The following ATP10A variants were observed in gnomAD, a reference collection of about 807,000 sequenced individuals.
ATP10A encodes phospholipid-transporting ATPase VA.
ATP10A carries 111 observed loss-of-function variants against 147.8 expected under a neutral mutation model. The ratio of observed to expected loss-of-function variants is 0.75; its 90% CI spans 0.64 to 0.88. The LOEUF is 0.88. ATP10A is among the 40% of genes least tolerant of loss of function. The pLI, the probability that ATP10A is intolerant of heterozygous loss-of-function variation, is 0.00. For synonymous variants in ATP10A, 875 were observed against 841.6 expected, an observed-to-expected ratio of 1.04 and a Z score of -0.69; for missense variants, 1,927 against 1,959.0, an observed-to-expected ratio of 0.98 and a Z score of 0.31.
At chr15:25,804,718 C>T (rs371615709) in intron 1 of ATP10A, among the ~76,000 whole-genome samples, 1 of 152,164 alleles carries the variant, frequency 6.6e-6, no homozygotes, top group South Asian at 2.1e-4. Context: ...AATGCGGTAA[C>T]GACAGTAGGC....
chr15:25,734,151 C>G (rs113287238), intron 3 of ATP10A, among the ~76,000 whole-genome samples: 80 of 152,268 alleles, frequency 5.3e-4, no homozygotes, highest in Non-Finnish European at 7.8e-4. Flanking sequence ...AATGCTCCTC[C>G]CGTCTCCTGC....
At chr15:25,784,475 A>C (rs946746219) in intron 1 of ATP10A, among the ~76,000 whole-genome samples, 1 of 152,234 alleles carries the variant, frequency 6.6e-6, no homozygotes, top group Admixed American at 6.5e-5. Context: ...TAGAAACTTC[A>C]GGGGAGGCAT....
At chr15:25,721,560 G>A (rs567715163) in intron 7 of ATP10A, 97 bp downstream of exon 7, 1 of 1,148,456 alleles carries the variant, frequency 8.7e-7, no homozygotes, top group South Asian at 1.4e-5. Context: ...GTGTGTGTGT[G>A]TGTGTGTGTG....
chr15:25,683,625 C>T, intron 16 of ATP10A, 139 bp from the exon 17 acceptor site: 2 of 826,992 alleles, frequency 2.4e-6, no homozygotes, highest in South Asian at 3.6e-5. Context: ...CAAAGACAGC[C>T]ATGACCTTGA....
intron 1 of ATP10A, among the ~76,000 whole-genome samples, chr15:25,839,841 A>G (rs1316562013): frequency 6.6e-6 from 1 of 152,208 alleles, no homozygotes; most frequent in African/African-American, 2.4e-5. Context: ...CCAAAACCAG[A>G]GGACAAAATC....
chr15:25,709,480 T>C (rs1430428647), intron 10 of ATP10A: 1 of 152,232 alleles, frequency 6.6e-6, no homozygotes, highest in Non-Finnish European at 1.5e-5. Flanking sequence ...AGGTGACATG[T>C]GGCGTGCACT....
intron 2 of ATP10A, among the ~76,000 whole-genome samples, chr15:25,752,631 GT>G (rs1264486618): frequency 6.6e-6 from 1 of 152,146 alleles, no homozygotes; most frequent in East Asian, 1.9e-4. Context: ...TTTCAAGATT[GT>G]TTTGGCTATA....
rs561692614 is a variant in ATP10A, at chr15:25,808,672, C to T, written c.450-27449G>A. ...GTTCTGGGATTACAAGCGTGAGCCA[C>T]AGTGCCTGGCTGAGAACAGTTTTAT... On this transcript the variant is annotated intron_variant, in intron 1 of 20. Coordinates refer to ENST00000555815, the MANE Select transcript of ATP10A (RefSeq NM_024490.4). Among the ~76,000 whole-genome samples the T allele has an allele frequency of 1.4e-3, 216 of 152,336 alleles. 1 individual carries two copies. The highest frequency in any genetic ancestry group is 6.8e-3 in the Middle Eastern group (2 of 294).
At chr15:25,856,216 A>T (rs1893510236) in intron 1 of ATP10A, among the ~76,000 whole-genome samples, 1 of 152,178 alleles carries the variant, frequency 6.6e-6, no homozygotes, top group Admixed American at 6.5e-5. Flanking sequence ...GAGGTAACTG[A>T]ATCATGGAGG....
At chr15:25,781,414 T>A (rs887184432) in intron 1 of ATP10A, among the ~76,000 whole-genome samples, 191 bp from the exon 2 acceptor site, 1 of 152,176 alleles carries the variant, frequency 6.6e-6, no homozygotes, top group African/African-American at 2.4e-5. Context: ...CCCAGCACTT[T>A]GAGAGACCGA....
At chr15:25,838,807 C>T (rs1170395331) in intron 1 of ATP10A, among the ~76,000 whole-genome samples, 1 of 152,128 alleles carries the variant, frequency 6.6e-6, no homozygotes, top group Non-Finnish European at 1.5e-5. Flanking sequence ...CTCCAGGGTA[C>T]TACTGCAATG....
chr15:25,681,579 G>A (rs1415668549), intron 17 of ATP10A, among the ~76,000 whole-genome samples: 6 of 152,166 alleles, frequency 3.9e-5, no homozygotes, highest in Admixed American at 2.0e-4. Flanking sequence ...CTACACGTAA[G>A]TTAATGCACA....
chr15:25,764,412 G>T (rs1308319670), intron 2 of ATP10A, among the ~76,000 whole-genome samples: 1 of 152,156 alleles, frequency 6.6e-6, no homozygotes, highest in African/African-American at 2.4e-5. Flanking sequence ...TAATTTGATG[G>T]TATTTGAAGG....
intron 12 of ATP10A, among the ~76,000 whole-genome samples, chr15:25,702,790 G>C (rs1021822508): frequency 6.6e-5 from 10 of 150,506 alleles, no homozygotes; most frequent in Non-Finnish European, 1.2e-4. Flanking sequence ...TTACATCTTG[G>C]TGAGATGGTT....
At chr15:25,837,044 A>G (rs1449587709) in intron 1 of ATP10A, among the ~76,000 whole-genome samples, 3 of 152,222 alleles carry the variant, frequency 2.0e-5, no homozygotes, top group Admixed American at 6.5e-5. Context: ...ACCACAGTCA[A>G]GCAAATTCAC....
intron 1 of ATP10A, among the ~76,000 whole-genome samples, chr15:25,814,112 G>T (rs1461051618): frequency 6.6e-6 from 1 of 151,972 alleles, no homozygotes; most frequent in Non-Finnish European, 1.5e-5. Context: ...TAAAATCAAT[G>T]ATAGGAAAAA....
intron 1 of ATP10A, among the ~76,000 whole-genome samples, chr15:25,857,132 C>G (rs11637231): frequency 0.44 from 67,293 of 152,028 alleles, 17,435 homozygotes; most frequent in African/African-American, 0.72. Flanking sequence ...TCTGAACACA[C>G]ACTGGGTATT....
chr15:25,690,100 A>G (rs550341194), intron 15 of ATP10A, among the ~76,000 whole-genome samples: 26 of 152,310 alleles, frequency 1.7e-4, no homozygotes, highest in African/African-American at 6.3e-4. Context: ...CTCCCTCAAA[A>G]CTTAACTACT....
chr15:25,736,401 T>C (rs1887282875), intron 2 of ATP10A, among the ~76,000 whole-genome samples: 1 of 152,152 alleles, frequency 6.6e-6, no homozygotes, highest in African/African-American at 2.4e-5. Context: ...TGCAGCTCTA[T>C]TGCAAAATGA....
Sources: allele counts gnomAD v4.1 joint callset (sites outside exome capture counted in the v4.1 genomes callset), GRCh38; gene constraint gnomAD v4.1.1; transcripts MANE v1.5; gene names NCBI Gene and HGNC (gene_info 2026-07-23, HGNC 2026-07-21).